Variants in NRXN1 observed in about 807,000 individuals in gnomAD.
NRXN1 encodes neurexin 1, also known as neurexin-1.
In NRXN1, 39 loss-of-function variants were observed where a neutral mutation model predicts 150.9. The ratio of observed to expected loss-of-function variants is 0.26; its 90% confidence interval spans 0.20 to 0.34. The LOEUF (loss-of-function observed/expected upper bound fraction) is 0.34, where lower values mean the gene tolerates loss of function less well. NRXN1 is among the 10% of genes least tolerant of loss of function. The probability of loss-of-function intolerance (pLI) is 1.00; values close to 1 mark genes in which losing one functional copy is unlikely to be tolerated. For synonymous variants in NRXN1, 924 were observed against 757.0 expected, an observed-to-expected ratio of 1.22 and a Z score of -3.62; for missense variants, 1,815 against 1,949.9, an observed-to-expected ratio of 0.93 and a Z score of 1.30.
chr2:50,057,646 T>C (rs570116605), intron 19 of NRXN1, among the ~76,000 whole-genome samples: 2 of 152,332 alleles, frequency 1.3e-5, no homozygotes, highest in African/African-American at 4.8e-5. Context: ...TCACATACAA[T>C]CCTATTAATA....
chr2:50,715,417 A>C (rs1250944350), intron 5 of NRXN1, among the ~76,000 whole-genome samples: 1 of 152,184 alleles, frequency 6.6e-6, no homozygotes, highest in Non-Finnish European at 1.5e-5. Context: ...TGCTTCTCAC[A>C]GGGTTGCTGT....
rs112705840 is a variant in NRXN1, at chr2:50,369,728, C to A, written c.3364+95714G>T. Among the ~76,000 whole-genome samples, 31 of 152,104 alleles carry A rather than the reference C, an allele frequency of 2.0e-4. 1 individual carries two copies. The highest frequency in any genetic ancestry group is 4.1e-4 in the African/African-American group (17 of 41,546). On this transcript the variant is annotated intron_variant, in intron 17 of 22. Coordinates refer to ENST00000401669, the MANE Select transcript of NRXN1 (RefSeq NM_001330078.2). ...TGATGCTGAAATAACTTCTGACCTA[C>A]AGCTCCAGGAAGAGTGGCTAATCGA... is the stretch of plus-strand genomic sequence containing the variant.
In NRXN1 at chr2:50,962,186, G is replaced by C. The variant is rs112625636; in HGVS notation, c.773-36231C>G. Among the ~76,000 whole-genome samples, 509 of 151,766 alleles carry C rather than the reference G, an allele frequency of 3.4e-3. 8 individuals are homozygous for C. The highest frequency in any genetic ancestry group is 0.012 in the African/African-American group (489 of 41,470). On this transcript the variant is annotated intron_variant, in intron 2 of 22. Transcript: ENST00000401669. Reference sequence around the variant, plus strand: ...CATAAATAACAAACGGCATGCCAATGTATTCTACATCTGTCTGTTCCACAA... The same window carrying C: ...CATAAATAACAAACGGCATGCCAATCTATTCTACATCTGTCTGTTCCACAA...
In NRXN1 at chr2:50,951,644, C is replaced by T. The variant is rs189256301; in HGVS notation, c.773-25689G>A. 3.5e-3 allele frequency among the ~76,000 whole-genome samples: 538 copies of T among 152,092 alleles called. 3 individuals carry two copies. Among genetic ancestry groups the T allele is most frequent in the Non-Finnish European group, 5.4e-3 (370 of 68,000 alleles). ...CTGTAACATCTCTCATAGTATGAGT[C>T]ACCGATGTAACACAGCTCCATTAGT... On this transcript the variant is annotated intron_variant, in intron 2 of 22. Transcript: ENST00000401669.
Position 50,754,848 on chromosome 2 carries a change from T to C in NRXN1, c.833-131233A>G, listed in dbSNP as rs1357829628. Among the ~76,000 whole-genome samples, 6 of 151,930 alleles carry C rather than the reference T, an allele frequency of 3.9e-5. No homozygotes were observed. The East Asian group carries it at 7.8e-4, about 20-fold the overall frequency. The stretch of plus-strand genomic sequence containing the variant: ...ACTGAAAAATGTCAAGTTGTTTTTA[T>C]ATAGAAACTAGAATTTATTTTCTAC... On this transcript the variant is annotated intron_variant, in intron 5 of 22. Coordinates refer to ENST00000401669, the MANE Select transcript of NRXN1 (RefSeq NM_001330078.2).
chr2:50,839,620 C>A (rs898954283), intron 5 of NRXN1, among the ~76,000 whole-genome samples: 2 of 152,016 alleles, frequency 1.3e-5, no homozygotes. Context: ...AGTTGGTGTT[C>A]CATAAAGGAT....
chr2:50,934,137 C>G (rs958860085), intron 2 of NRXN1, among the ~76,000 whole-genome samples: 4 of 152,058 alleles, frequency 2.6e-5, no homozygotes, highest in Admixed American at 1.3e-4. Flanking sequence ...GTGTGTATCT[C>G]TCTAACACAT....
intron 6 of NRXN1, 117 bp downstream of exon 6, chr2:50,623,197 C>G (rs962281722): frequency 4.0e-6 from 3 of 746,986 alleles, no homozygotes; most frequent in Admixed American, 2.9e-5. Context: ...GAAGAAAAAG[C>G]TAATTTGCAA....
intron 8 of NRXN1, among the ~76,000 whole-genome samples, chr2:50,557,449 T>C (rs547411237): frequency 5.3e-5 from 8 of 152,300 alleles, no homozygotes; most frequent in Non-Finnish European, 7.4e-5. Flanking sequence ...CTTGGTTTTA[T>C]CTTTCATACT....
intron 2 of NRXN1, among the ~76,000 whole-genome samples, chr2:51,018,423 A>G (rs1478814059): frequency 6.6e-6 from 1 of 152,074 alleles, no homozygotes; most frequent in African/African-American, 2.4e-5. Flanking sequence ...TTGGCTTGCC[A>G]GGTCAGACTT....
intron 21 of NRXN1, among the ~76,000 whole-genome samples, chr2:49,954,283 A>G (rs1329762921): frequency 1.3e-5 from 2 of 152,134 alleles, no homozygotes; most frequent in African/African-American, 4.8e-5. Flanking sequence ...TATTTAGGGC[A>G]TATGTGTGGA....
chr2:50,849,782 G>C (rs1674235893), intron 5 of NRXN1, among the ~76,000 whole-genome samples: 1 of 152,076 alleles, frequency 6.6e-6, no homozygotes, highest in African/African-American at 2.4e-5. Flanking sequence ...TATTTTAATT[G>C]AATAATGTGG....
intron 19 of NRXN1, among the ~76,000 whole-genome samples, chr2:50,057,483 C>T (rs530561476): frequency 3.6e-4 from 55 of 152,234 alleles, no homozygotes; most frequent in African/African-American, 1.3e-3. Context: ...ATTTGTAGCT[C>T]CTGAAACATG....
chr2:50,587,511 T>A (rs972533441), intron 8 of NRXN1, among the ~76,000 whole-genome samples: 41 of 152,208 alleles, frequency 2.7e-4, no homozygotes, highest in African/African-American at 8.9e-4. Context: ...TTTTCCCTAT[T>A]GCAGAAAGTT....
intron 18 of NRXN1, among the ~76,000 whole-genome samples, chr2:50,123,612 A>T (rs1704164373): frequency 1.3e-5 from 2 of 152,226 alleles, no homozygotes; most frequent in African/African-American, 4.8e-5. Flanking sequence ...GTTGAAAAGC[A>T]TCTAAAACAC....
At chr2:50,992,943 C>T (rs557477726) in intron 2 of NRXN1, among the ~76,000 whole-genome samples, 3 of 151,854 alleles carry the variant, frequency 2.0e-5, no homozygotes, top group Non-Finnish European at 4.4e-5. Context: ...CAGATTTTAC[C>T]AAGTGCATAA....
At chr2:50,006,609 C>G (rs1248743056) in intron 21 of NRXN1, among the ~76,000 whole-genome samples, 1 of 152,140 alleles carries the variant, frequency 6.6e-6, no homozygotes, top group Non-Finnish European at 1.5e-5. Context: ...TTACTCTTTT[C>G]CTCAACATTG....
At chr2:50,828,446 G>C (rs1433410067) in intron 5 of NRXN1, among the ~76,000 whole-genome samples, 2 of 151,268 alleles carry the variant, frequency 1.3e-5, no homozygotes, top group African/African-American at 4.9e-5. Context: ...GCGGCTGCCG[G>C]GCGGAGGGGC....
chr2:49,922,354 C>T, intron 22 of NRXN1, 103 bp from the exon 23 acceptor site: 1 of 1,189,458 alleles, frequency 8.4e-7, no homozygotes, highest in Non-Finnish European at 1.2e-6. Flanking sequence ...AGCACCTATG[C>T]TTTAGGAAAG....
Sources: gnomAD v4.1 joint callset for allele counts (sites outside exome capture counted in the v4.1 genomes callset) on GRCh38, gnomAD v4.1.1 for gene constraint, MANE v1.5 for transcripts, NCBI Gene and HGNC (gene_info 2026-07-23, HGNC 2026-07-21) for gene names.